RGS12: variants seen among roughly 807,000 people sequenced by gnomAD.
RGS12 encodes the protein regulator of G protein signaling 12.
Under a neutral mutation model 120.1 loss-of-function variants are expected in RGS12, and 66 were observed. The ratio of observed to expected loss-of-function variants is 0.55; its 90% confidence interval spans 0.45 to 0.67. The LOEUF (loss-of-function observed/expected upper bound fraction) is 0.67, where lower values mean the gene tolerates loss of function less well. Ranked by LOEUF, RGS12 falls within the 30% of genes least tolerant of loss-of-function variation. The pLI, the probability that RGS12 is intolerant of heterozygous loss-of-function variation, is 0.00. For synonymous variants in RGS12, 827 were observed against 804.7 expected, an observed-to-expected ratio of 1.03 and a Z score of -0.47; for missense variants, 1,859 against 1,957.7, an observed-to-expected ratio of 0.95 and a Z score of 0.95.
Position 3,428,621 on chromosome 4 carries a change from G to A in RGS12, c.3475G>A (p.Ala1159Thr). ...IKIKGENGKN[A>T]RDPRLSKREE... Reference sequence around the variant, plus strand: ...AATAAAAGGAGAAAATGGAAAAAATGCTAGGGATCCCCGGCTTTCAAAGAG... The same window carrying A: ...AATAAAAGGAGAAAATGGAAAAAATACTAGGGATCCCCGGCTTTCAAAGAG... Residue 1159 changes from alanine (A) to threonine (T), a missense_variant, in exon 16 of 18, where the codon GCT (alanine) becomes ACT (threonine). By Grantham distance (58) the Ala-to-Thr change is moderately conservative (BLOSUM62 0). Around this residue, in one of 3 missense-constraint regions of RGS12, gnomAD observed 517 missense variants for 488.5 expected, o/e 1.06. Transcript: ENST00000336727. 6.2e-7 allele frequency: 1 copy of A among 1,605,274 alleles called. No homozygotes were observed. The highest frequency in any genetic ancestry group is 8.5e-7 in the Non-Finnish European group (1 of 1,176,992).
At chr4:3,379,348 A>C (rs549254228) in intron 3 of RGS12, among the ~76,000 whole-genome samples, 1 of 152,288 alleles carries the variant, frequency 6.6e-6, no homozygotes, top group East Asian at 1.9e-4. Context: ...CTAAGAGAGT[A>C]AATCTTAATT....
At chr4:3,382,830 T>G (rs1187676089) in intron 3 of RGS12, among the ~76,000 whole-genome samples, 1 of 152,242 alleles carries the variant, frequency 6.6e-6, no homozygotes, top group Non-Finnish European at 1.5e-5. Flanking sequence ...ATGGTTCTGT[T>G]TCCGACCTGC....
chr4:3,411,907 C>T (rs111698376), intron 4 of RGS12, among the ~76,000 whole-genome samples: 24 of 152,366 alleles, frequency 1.6e-4, no homozygotes, highest in African/African-American at 5.3e-4. Flanking sequence ...CAGTGCGTGC[C>T]GCCCCTTCCA....
In RGS12 at chr4:3,374,734, C is replaced by G. The variant is rs1392365657; in HGVS notation, c.1999-11682C>G. On this transcript the variant is annotated intron_variant, in intron 3 of 17. Coordinates refer to ENST00000336727, the MANE Select transcript of RGS12 (RefSeq NM_001394154.1). The surrounding 1 kb of genome is among the most constrained non-coding windows in gnomAD (Gnocchi z 6.3). The stretch of plus-strand genomic sequence containing the variant: ...CTCACCCCCATTGCTGCAGCCTGCC[C>G]TCGTCCCCATCTCTTGCCTGGAGCA... Among the ~76,000 whole-genome samples the G allele has an allele frequency of 6.6e-6, 1 of 152,050 alleles. No homozygotes were observed. Among genetic ancestry groups the G allele is most frequent in the African/African-American group, 2.4e-5 (1 of 41,404 alleles).
intron 3 of RGS12, among the ~76,000 whole-genome samples, chr4:3,357,666 T>C (rs1485795920): frequency 6.6e-6 from 1 of 152,196 alleles, no homozygotes; most frequent in Non-Finnish European, 1.5e-5. Flanking sequence ...CAAAAATGAT[T>C]TGACTATTTA....
intron 3 of RGS12, among the ~76,000 whole-genome samples, chr4:3,344,795 C>A (rs773225742): frequency 2.0e-5 from 3 of 152,224 alleles, no homozygotes; most frequent in African/African-American, 7.2e-5. Flanking sequence ...ACACCTTAAA[C>A]TTCCTGGCTG....
intron 1 of RGS12, among the ~76,000 whole-genome samples, chr4:3,303,561 C>T (rs71608269): frequency 6.6e-6 from 1 of 152,210 alleles, no homozygotes; most frequent in African/African-American, 2.4e-5. Context: ...GAGAAGCCCC[C>T]TCCTCTTCCT....
At position 3,374,405 on chromosome 4, in the gene RGS12, C is replaced by T. The variant is rs999678623; in HGVS notation, c.1999-12011C>T. ...CCGCCACCACCTTCCACGACAGGCTCGATTCGTCCCTCGCATGCTGCCCTC... is the reference window on the plus strand; with the variant it reads ...CCGCCACCACCTTCCACGACAGGCTTGATTCGTCCCTCGCATGCTGCCCTC... On this transcript the variant is annotated intron_variant, in intron 3 of 17. Coordinates refer to ENST00000336727, the MANE Select transcript of RGS12 (RefSeq NM_001394154.1). The surrounding 1 kb of genome is among the most constrained non-coding windows in gnomAD (Gnocchi z 6.3). Among the ~76,000 whole-genome samples the T allele has an allele frequency of 1.3e-5, 2 of 152,276 alleles. No homozygotes were observed. Among genetic ancestry groups the T allele is most frequent in the South Asian group, 2.1e-4 (1 of 4,816 alleles).
intron 1 of RGS12, among the ~76,000 whole-genome samples, chr4:3,295,223 A>G (rs1723307205): frequency 6.6e-6 from 1 of 151,992 alleles, no homozygotes; most frequent in East Asian, 1.9e-4. Flanking sequence ...GGGGTAGAGG[A>G]GATGGAGGAC....
intron 3 of RGS12, among the ~76,000 whole-genome samples, chr4:3,377,854 C>G (rs551867282): frequency 6.6e-6 from 1 of 152,246 alleles, no homozygotes; most frequent in East Asian, 1.9e-4. Context: ...TCGTCAGTTT[C>G]TTTAAAACAG....
chr4:3,402,665 G>A (rs565715004), intron 4 of RGS12, among the ~76,000 whole-genome samples: 11 of 150,330 alleles, frequency 7.3e-5, no homozygotes, highest in Admixed American at 3.3e-4. Context: ...CGTCCTCTGC[G>A]TTGGGTGGTG....
In RGS12 at chr4:3,317,648, A is replaced by C. The variant is rs1560656845; in HGVS notation, c.1478A>C (p.Asp493Ala). The C allele has an allele frequency of 6.3e-7, 1 of 1,596,856 alleles. No homozygotes were observed. The highest frequency in any genetic ancestry group is 1.1e-5 in the South Asian group (1 of 89,762). The change falls in exon 2 of 18, where the codon GAC (aspartate) becomes GCC (alanine). Residue 493 changes from aspartate to alanine, a missense_variant. Transcript: ENST00000336727. ...SPPFEAAHQTDRFWDLNKHLG... is the reference protein window; with the variant it reads ...SPPFEAAHQTARFWDLNKHLG... The stretch of plus-strand genomic sequence containing the variant: ...CCATTTGAGGCCGCTCATCAGACTG[A>C]CAGGTTCTGGGACCTAAACAAGCAC...
Position 3,439,311 on chromosome 4 carries a change from A to C in RGS12, c.4115-144A>C, listed in dbSNP as rs973975712. The C allele has an allele frequency of 9.9e-6, 8 of 808,160 alleles. No individual in the cohort carries two copies. The African/African-American group carries it at 1.0e-4, about 10-fold the overall frequency. The allele number at this position is 808,160 out of a possible 1,614,324, so 50.1% of individuals were successfully genotyped here. On this transcript the variant is annotated intron_variant, in intron 17 of 17. Coordinates refer to ENST00000336727, the MANE Select transcript of RGS12 (RefSeq NM_001394154.1). The stretch of plus-strand genomic sequence containing the variant: ...CCCCAGCCTGGAGGCCCACAGCGGG[A>C]CGCCAGCTGCCTCTGGGATGTGTTT...
Position 3,344,138 on chromosome 4 carries a change from C to T in RGS12, c.1998+1085C>T, listed in dbSNP as rs146662121. Among the ~76,000 whole-genome samples the T allele has an allele frequency of 3.3e-5, 5 of 152,288 alleles. No homozygotes were observed. The East Asian group carries it at 9.7e-4, about 29-fold the overall frequency. ...CAGACTCCGTCCACAGTGACTGCTC[C>T]AGCTCCTGCTCTTCCAGGAGAAAAG... On this transcript the variant is annotated intron_variant, in intron 3 of 17. Transcript: ENST00000336727.
chr4:3,316,253 G>C lies in RGS12; in HGVS notation c.83G>C (p.Gly28Ala). 6.2e-7 allele frequency: 1 copy of C among 1,613,624 alleles called. No homozygotes were observed. Among genetic ancestry groups the C allele is most frequent in the South Asian group, 1.1e-5 (1 of 91,042 alleles). ...GTGCGGAGTGTGGAGGTTGCCCGGGGGAGGGCCGGCTACGGATTCACGCTT... is the reference window on the plus strand; with the variant it reads ...GTGCGGAGTGTGGAGGTTGCCCGGGCGAGGGCCGGCTACGGATTCACGCTT... Reference protein sequence around the residue: ...PRVRSVEVARGRAGYGFTLSG... With the variant: ...PRVRSVEVARARAGYGFTLSG... Residue 28 changes from glycine (G) to alanine (A), a missense_variant, in exon 2 of 18, where the codon GGG becomes GCG. Transcript: ENST00000336727.
In RGS12 at chr4:3,372,904, T is replaced by G. The variant is rs1440870846; in HGVS notation, c.1999-13512T>G. On this transcript the variant is annotated intron_variant, in intron 3 of 17. Transcript: ENST00000336727. This position sits in a 1 kb window ranked among gnomAD's most constrained non-coding sequence, Gnocchi z 4.3. ...ATATTTTAAAAATCTTTAAAAAGGGTTGCACTGTTTAAAAACGTGGAATAT... is the reference window on the plus strand; with the variant it reads ...ATATTTTAAAAATCTTTAAAAAGGGGTGCACTGTTTAAAAACGTGGAATAT... Among the ~76,000 whole-genome samples, 1 of 152,158 alleles carries G rather than the reference T, an allele frequency of 6.6e-6. No homozygotes were observed. Among genetic ancestry groups the G allele is most frequent in the East Asian group, 1.9e-4 (1 of 5,192 alleles).
intron 3 of RGS12, among the ~76,000 whole-genome samples, chr4:3,362,990 T>A (rs1454497382): frequency 6.7e-6 from 1 of 150,150 alleles, no homozygotes; most frequent in Non-Finnish European, 1.5e-5. Flanking sequence ...GGTGTGTATA[T>A]GTGTGAGAGT....
At chr4:3,309,700 G>A (rs1329902920) in intron 1 of RGS12, among the ~76,000 whole-genome samples, 43 of 131,710 alleles carry the variant, frequency 3.3e-4, no homozygotes, top group African/African-American at 9.4e-4. Context: ...ACCGTGCAGG[G>A]GAGGAGCTGG....
Position 3,310,012 on chromosome 4 carries a change from G to C in RGS12, c.-101-6058G>C, listed in dbSNP as rs1217985524. Among the ~76,000 whole-genome samples, 11 of 65,338 alleles carry C rather than the reference G, an allele frequency of 1.7e-4. No individual in the cohort carries two copies. In the East Asian group the frequency reaches 2.4e-3, roughly 14 times the overall value. The allele number at this position is 65,338 out of a possible 152,430, so 42.9% of individuals were successfully genotyped here. A position where few individuals can be genotyped will look rare whatever the true frequency, so the allele number is the denominator to read the frequency against. On this transcript the variant is annotated intron_variant, in intron 1 of 17. Coordinates refer to ENST00000336727, the MANE Select transcript of RGS12 (RefSeq NM_001394154.1). ...AGGTGTCCGCTGAGGGGAACCGTGT[G>C]GGGGAGGAGCTGGGACCCGGGAAAT...
Sources: allele counts gnomAD v4.1 joint callset (sites outside exome capture counted in the v4.1 genomes callset), GRCh38; gene constraint gnomAD v4.1.1; regional missense constraint gnomAD v4.1.1; non-coding constraint Gnocchi (gnomAD v3.1); transcripts MANE v1.5; gene names NCBI Gene and HGNC (gene_info 2026-07-23, HGNC 2026-07-21).